Variants in TNS3 observed in about 807,000 individuals in gnomAD.
TNS3 encodes the protein tensin-3.
TNS3 carries 45 observed loss-of-function variants against 140.9 expected under a neutral mutation model. That is an observed-to-expected ratio of 0.32 (90% CI 0.25 to 0.41). The LOEUF (loss-of-function observed/expected upper bound fraction) is 0.41. Among genes scored for constraint, TNS3 ranks in the 10% least tolerant of loss-of-function variants. TNS3 has a pLI of 1.00. For synonymous variants in TNS3, 815 were observed against 788.4 expected (o/e 1.03, Z -0.56); for missense variants, 1,716 against 1,906.7 (o/e 0.90, Z 1.86).
rs1785784035 is a variant in TNS3, at chr7:47,292,774, G to A, written c.3850+54C>T. On this transcript the variant is annotated intron_variant, in intron 26 of 30. Transcript: ENST00000311160. ...TCTTCATGGATCTCTAAAACCGGTGGCCTTGACTGCAGACAATCTACACAG... is the reference window on the plus strand; with the variant it reads ...TCTTCATGGATCTCTAAAACCGGTGACCTTGACTGCAGACAATCTACACAG... 19 of 1,472,560 alleles carry A rather than the reference G, an allele frequency of 1.3e-5. No homozygotes were observed. In the East Asian group the frequency reaches 1.6e-4, roughly 13 times the overall value. The allele number at this position is 1,472,560 out of a possible 1,614,324, so 91.2% of individuals were successfully genotyped here.
At chr7:47,351,982 A>G (rs1266947780) in intron 17 of TNS3, among the ~76,000 whole-genome samples, 2 of 152,098 alleles carry the variant, frequency 1.3e-5, no homozygotes, top group Non-Finnish European at 2.9e-5. Context: ...TTGCAGACAC[A>G]TGTATGAACA....
intron 17 of TNS3, among the ~76,000 whole-genome samples, chr7:47,362,844 C>T (rs924514924): frequency 1.3e-5 from 2 of 151,592 alleles, no homozygotes; most frequent in African/African-American, 2.4e-5. Context: ...TCACTGTCAT[C>T]ATCACCATCA....
Position 47,278,079 on chromosome 7 carries a change from G to A in TNS3, c.4335C>T (p.Val1445=). The part of the protein sequence containing the change: ...SKVMIGSPKK[V] ...GTCCAGGGAGGGAGGGGAGTTCTCA[G>A]ACCTTCTTTGGGGAACCAATCATGA... Residue 1445 remains valine, a synonymous_variant, in exon 31 of 31, where the codon GTC becomes GTT. Transcript: ENST00000311160. 5 of 1,614,078 alleles carry A rather than the reference G, an allele frequency of 3.1e-6. No individual in the cohort carries two copies. The highest frequency in any genetic ancestry group is 4.2e-6 in the Non-Finnish European group (5 of 1,179,962).
chr7:47,455,591 G>A (rs887413966), intron 4 of TNS3, among the ~76,000 whole-genome samples: 1 of 152,170 alleles, frequency 6.6e-6, no homozygotes, highest in Non-Finnish European at 1.5e-5. Flanking sequence ...GAATGCAGGT[G>A]TGACAGAGGG....
At chr7:47,278,714 A>C (rs946566517) in intron 30 of TNS3, 9 of 154,372 alleles carry the variant, frequency 5.8e-5, no homozygotes, top group Non-Finnish European at 2.9e-5. Context: ...GGGGAAATAC[A>C]CTAGGCGCTC....
intron 2 of TNS3, among the ~76,000 whole-genome samples, chr7:47,507,250 T>C (rs1170966016): frequency 6.6e-6 from 1 of 152,186 alleles, no homozygotes; most frequent in Non-Finnish European, 1.5e-5. Context: ...ATGAGCAGAT[T>C]GGTTTTTCAA....
chr7:47,445,498 C>G (rs1316140881), intron 4 of TNS3, among the ~76,000 whole-genome samples: 1 of 152,160 alleles, frequency 6.6e-6, no homozygotes, highest in African/African-American at 2.4e-5. Flanking sequence ...TGGTCCACAC[C>G]CTCTCCTGCA....
At chr7:47,317,809 T>C (rs983335956) in intron 20 of TNS3, among the ~76,000 whole-genome samples, 3 of 152,114 alleles carry the variant, frequency 2.0e-5, no homozygotes, top group Non-Finnish European at 2.9e-5. Flanking sequence ...AGGGAGTCAC[T>C]GGAAATAAAT....
rs575508011 is a variant in TNS3 at position 47,340,461 on chromosome 7, C to T, written c.2650+4294G>A. On this transcript the variant is annotated intron_variant, in intron 20 of 30. Coordinates refer to ENST00000311160, the MANE Select transcript of TNS3 (RefSeq NM_022748.12). ...AATTTCAGCTTCTACAGGTGCATTG[C>T]TAGCGTACTGAAATAGAACTAGTTT... Among the ~76,000 whole-genome samples the T allele has an allele frequency of 7.9e-5, 12 of 152,062 alleles. No individual in the cohort carries two copies. The South Asian group carries it at 2.5e-3, about 32-fold the overall frequency.
intron 20 of TNS3, among the ~76,000 whole-genome samples, chr7:47,311,629 G>C (rs1322626204): frequency 6.6e-6 from 1 of 152,054 alleles, no homozygotes; most frequent in East Asian, 1.9e-4. Context: ...GCATAAAGAG[G>C]AACAAGACTG....
intron 17 of TNS3, among the ~76,000 whole-genome samples, chr7:47,365,338 G>A (rs1790627235): frequency 1.3e-5 from 2 of 152,142 alleles, no homozygotes; most frequent in East Asian, 1.9e-4. Context: ...CCAGCTACTC[G>A]GGAGGCTGAG....
At chr7:47,473,750 A>G (rs540459589) in intron 4 of TNS3, among the ~76,000 whole-genome samples, 1 of 152,188 alleles carries the variant, frequency 6.6e-6, no homozygotes, top group Non-Finnish European at 1.5e-5. Context: ...ACCTGGATCC[A>G]CTGTCCCAGA....
At chr7:47,357,050 C>G (rs1038370848) in intron 17 of TNS3, among the ~76,000 whole-genome samples, 2 of 152,174 alleles carry the variant, frequency 1.3e-5, no homozygotes, top group African/African-American at 4.8e-5. Context: ...ATCACACCAA[C>G]TACACTGCAG....
intron 22 of TNS3, among the ~76,000 whole-genome samples, chr7:47,302,642 T>C (rs563160821): frequency 1.3e-5 from 2 of 152,314 alleles, no homozygotes; most frequent in Middle Eastern, 6.8e-3. Context: ...ACAAGGAATT[T>C]GTTATTTACA....
At chr7:47,318,663 C>T (rs201549064) in intron 20 of TNS3, among the ~76,000 whole-genome samples, 3 of 152,096 alleles carry the variant, frequency 2.0e-5, no homozygotes, top group African/African-American at 7.2e-5. Context: ...AAGTATTGCC[C>T]TTCACAAGCA....
chr7:47,411,916 CA>C lies in TNS3; in HGVS notation c.648-115del. The C allele has an allele frequency of 3.2e-6, 3 of 928,796 alleles. No individual in the cohort carries two copies. The East Asian group carries it at 8.0e-5, about 25-fold the overall frequency. The allele number at this position is 928,796 out of a possible 1,614,324, so 57.5% of individuals were successfully genotyped here. ...AAACTCAGAAATTACACAGAATGCCCAATCAGCCCAGAATCTAATTCCTGAG... is the reference window on the plus strand; with the variant it reads ...AAACTCAGAAATTACACAGAATGCCCATCAGCCCAGAATCTAATTCCTGAG... On this transcript the variant is annotated intron_variant, in intron 12 of 30. Coordinates refer to ENST00000311160, the MANE Select transcript of TNS3 (RefSeq NM_022748.12).
intron 3 of TNS3, among the ~76,000 whole-genome samples, chr7:47,492,477 C>T (rs1002988347): frequency 3.3e-5 from 5 of 152,252 alleles, no homozygotes. Context: ...AACCCTACCT[C>T]CCACCTGTGA....
At chr7:47,279,915 G>A in intron 30 of TNS3, 1 of 561,458 alleles carries the variant, frequency 1.8e-6, no homozygotes. Context: ...CCATCTCCCT[G>A]TATCTATGCC....
At chr7:47,322,244 C>T (rs1787781941) in intron 20 of TNS3, among the ~76,000 whole-genome samples, 1 of 140,952 alleles carries the variant, frequency 7.1e-6, no homozygotes, top group African/African-American at 2.7e-5. Flanking sequence ...AAAGCAAAGG[C>T]CAGGTGCAGT....
Sources: gnomAD v4.1 joint callset for allele counts (sites outside exome capture counted in the v4.1 genomes callset) on GRCh38, gnomAD v4.1.1 for gene constraint, MANE v1.5 for transcripts, NCBI Gene and HGNC (gene_info 2026-07-23, HGNC 2026-07-21) for gene names.